Variants in AFF3 observed in about 807,000 individuals in gnomAD.
AFF3 encodes AF4/FMR2 family member 3.
AFF3 carries 32 observed loss-of-function variants against 129.7 expected under a neutral mutation model. The observed-to-expected ratio is 0.25, with a 90% CI of 0.19 to 0.33. The LOEUF (loss-of-function observed/expected upper bound fraction) is 0.33, where lower values mean the gene tolerates loss of function less well. Ranked by LOEUF, AFF3 falls within the 10% of genes least tolerant of loss-of-function variation. AFF3 has a pLI of 1.00. For missense variants in AFF3, 1,373 were observed against 1,592.0 expected (o/e 0.86, Z 2.34); for synonymous variants, 644 against 635.4 (o/e 1.01, Z -0.20).
intron 7 of AFF3, among the ~76,000 whole-genome samples, chr2:99,846,596 A>G (rs1689743720): frequency 6.6e-6 from 1 of 152,276 alleles, no homozygotes; most frequent in African/African-American, 2.4e-5. Context: ...AGAGTAATCT[A>G]ATGTGGCTGA....
intron 7 of AFF3, among the ~76,000 whole-genome samples, chr2:99,900,304 G>A (rs548890789): frequency 2.8e-4 from 43 of 152,274 alleles, no homozygotes; most frequent in African/African-American, 9.9e-4. Flanking sequence ...CCAGGGGAAC[G>A]CACAGCTTTC....
intron 2 of AFF3, chr2:100,106,017 A>G (rs1192209182): frequency 7.6e-7 from 1 of 1,321,574 alleles, no homozygotes. Flanking sequence ...CAAGCCGAAG[A>G]GTCATCCTCT....
In AFF3 at chr2:99,758,265, A is replaced by C. The variant is rs561241141; in HGVS notation, c.922-5964T>G. Among the ~76,000 whole-genome samples, 3 of 152,298 alleles carry C rather than the reference A, an allele frequency of 2.0e-5. No homozygotes were observed. The South Asian group carries it at 6.2e-4, about 32-fold the overall frequency. The stretch of plus-strand genomic sequence containing the variant: ...GCTGCAAACTCAATTTTCGTAATTC[A>C]GAAAAACTTCACTGCTCTAAAAATC... On this transcript the variant is annotated intron_variant, in intron 8 of 24. Transcript: ENST00000672756.
At chr2:99,642,968 A>G (rs1684343859) in intron 13 of AFF3, among the ~76,000 whole-genome samples, 1 of 152,250 alleles carries the variant, frequency 6.6e-6, no homozygotes, top group African/African-American at 2.4e-5. Flanking sequence ...TACATTTAAA[A>G]ATAACTAAAA....
At chr2:99,859,346 G>A (rs1056521426) in intron 7 of AFF3, among the ~76,000 whole-genome samples, 2 of 152,148 alleles carry the variant, frequency 1.3e-5, no homozygotes, top group Non-Finnish European at 2.9e-5. Context: ...GGGAACCACC[G>A]GCGGCACAAG....
chr2:99,922,506 A>G (rs1695927467), intron 7 of AFF3, among the ~76,000 whole-genome samples: 1 of 152,158 alleles, frequency 6.6e-6, no homozygotes, highest in African/African-American at 2.4e-5. Context: ...TTCCTACAAA[A>G]TTATAGTTAA....
intron 7 of AFF3, among the ~76,000 whole-genome samples, chr2:99,898,035 A>C (rs1175634873): frequency 2.0e-5 from 3 of 152,240 alleles, no homozygotes; most frequent in African/African-American, 7.2e-5. Context: ...GACAAGTCTT[A>C]AGGCTTTTCA....
chr2:99,771,428 A>AT (rs1683479072), intron 8 of AFF3, among the ~76,000 whole-genome samples: 2 of 141,948 alleles, frequency 1.4e-5, no homozygotes, highest in Admixed American at 7.0e-5. Flanking sequence ...AAAAAAAAAA[A>AT]CCAGAGCAAT....
intron 7 of AFF3, among the ~76,000 whole-genome samples, chr2:99,938,178 G>A (rs1009472633): frequency 1.3e-5 from 2 of 152,142 alleles, no homozygotes; most frequent in Non-Finnish European, 2.9e-5. Flanking sequence ...TTAACTCAGT[G>A]AACAATTACT....
At chr2:100,138,981 C>A (rs1692749560) in intron 1 of AFF3, among the ~76,000 whole-genome samples, 1 of 148,882 alleles carries the variant, frequency 6.7e-6, no homozygotes, top group Admixed American at 6.7e-5. Flanking sequence ...AAATGGGACA[C>A]AACAACTGAG....
chr2:99,936,431 T>C (rs1674531067), intron 7 of AFF3, among the ~76,000 whole-genome samples: 1 of 150,424 alleles, frequency 6.6e-6, no homozygotes, highest in Non-Finnish European at 1.5e-5. Context: ...GCCAGCTGAG[T>C]TTCAGGGAGA....
intron 8 of AFF3, among the ~76,000 whole-genome samples, chr2:99,821,756 T>C (rs112664309): frequency 2.0e-5 from 3 of 152,314 alleles, no homozygotes; most frequent in African/African-American, 7.2e-5. Flanking sequence ...CAGTGAGTAA[T>C]GCCTTGTGCT....
chr2:99,674,521 T>A (rs1298310735), intron 11 of AFF3, among the ~76,000 whole-genome samples: 2 of 152,104 alleles, frequency 1.3e-5, no homozygotes, highest in African/African-American at 4.8e-5. Context: ...TTGCCTCCAC[T>A]CCCATGCCCT....
intron 4 of AFF3, among the ~76,000 whole-genome samples, chr2:100,036,884 T>C (rs1684962859): frequency 6.6e-6 from 1 of 150,604 alleles, no homozygotes; most frequent in Admixed American, 6.6e-5. Context: ...GGAAATACCA[T>C]TTTTACCTAC....
intron 4 of AFF3, among the ~76,000 whole-genome samples, chr2:100,102,441 G>A (rs1690804119): frequency 6.6e-6 from 1 of 152,316 alleles, no homozygotes; most frequent in South Asian, 2.1e-4. Context: ...TGATTAAAAT[G>A]TGATTGCACG....
intron 7 of AFF3, among the ~76,000 whole-genome samples, chr2:99,890,666 C>T (rs981937676): frequency 2.0e-5 from 3 of 152,114 alleles, no homozygotes; most frequent in Admixed American, 2.0e-4. Flanking sequence ...CCTCCGTGCC[C>T]CTGTCCTTCA....
intron 14 of AFF3, among the ~76,000 whole-genome samples, chr2:99,595,260 A>T (rs1679169124): frequency 6.6e-6 from 1 of 152,240 alleles, no homozygotes; most frequent in African/African-American, 2.4e-5. Context: ...CATTATGATA[A>T]TTAAGAGAAA....
chr2:100,121,987 G>A (rs930608618), intron 2 of AFF3, among the ~76,000 whole-genome samples: 6 of 152,134 alleles, frequency 3.9e-5, no homozygotes, highest in Non-Finnish European at 7.4e-5. Context: ...GCGTGAACCC[G>A]GGAAGCGGAG....
intron 13 of AFF3, among the ~76,000 whole-genome samples, chr2:99,610,466 C>T (rs1445728925): frequency 6.6e-6 from 1 of 152,118 alleles, no homozygotes; most frequent in Non-Finnish European, 1.5e-5. Flanking sequence ...TTTCAGTCGA[C>T]ACAATGTCAT....
Sources: allele counts gnomAD v4.1 joint callset (sites outside exome capture counted in the v4.1 genomes callset), GRCh38; gene constraint gnomAD v4.1.1; transcripts MANE v1.5; gene names NCBI Gene and HGNC (gene_info 2026-07-23, HGNC 2026-07-21).